RGS22: variants seen among roughly 807,000 people sequenced by gnomAD.
RGS22 encodes regulator of G protein signaling 22.
In RGS22, 148 loss-of-function variants were observed where a neutral mutation model predicts 172.9. That is an observed-to-expected ratio of 0.86 (90% CI 0.75 to 0.98). RGS22 has a LOEUF of 0.98. RGS22 is among the 50% of genes least tolerant of loss of function. The probability of loss-of-function intolerance (pLI) is 0.00; values close to 1 mark genes in which losing one functional copy is unlikely to be tolerated. For synonymous variants in RGS22, 458 were observed against 480.2 expected (o/e 0.95, Z 0.60); for missense variants, 1,347 against 1,440.8 (o/e 0.93, Z 1.05).
intron 14 of RGS22, among the ~76,000 whole-genome samples, chr8:100,029,674 G>C (rs1182632488): frequency 7.7e-6 from 1 of 129,926 alleles, no homozygotes; most frequent in African/African-American, 3.1e-5. Context: ...TTGGACTCCA[G>C]CCTGGGCAAC....
intron 2 of RGS22, among the ~76,000 whole-genome samples, chr8:100,094,879 G>T: frequency 6.6e-6 from 1 of 152,170 alleles, no homozygotes; most frequent in Non-Finnish European, 1.5e-5. Flanking sequence ...CAATAAGGGT[G>T]GCCAAATTTG....
At chr8:99,990,347 G>A (rs1242412601) in intron 20 of RGS22, among the ~76,000 whole-genome samples, 2 of 152,098 alleles carry the variant, frequency 1.3e-5, no homozygotes, top group Admixed American at 1.3e-4. Context: ...AGGGGACTCT[G>A]GCCTTGCAGA....
chr8:99,993,503 T>C (rs1363399459), intron 20 of RGS22, among the ~76,000 whole-genome samples: 2 of 152,112 alleles, frequency 1.3e-5, no homozygotes, highest in Non-Finnish European at 2.9e-5. Context: ...GCAGATGAAC[T>C]AGGAAATCTA....
chr8:100,052,967 T>C lies in RGS22; in HGVS notation c.1524A>G (p.Arg508=), dbSNP rs773385998. ...LKPLLLYWAP[R]FCVTHSASTK... is the part of the protein sequence containing the mutation. ...TTGAGGCTGAATGAGTAACACAGAATCTTGGTGCCCTGTTTATTGGAAAAA... is the reference window on the plus strand; with the variant it reads ...TTGAGGCTGAATGAGTAACACAGAACCTTGGTGCCCTGTTTATTGGAAAAA... The change falls in exon 10 of 28, where the codon AGA becomes AGG. Residue 508 remains arginine (R), a synonymous_variant. Coordinates refer to ENST00000360863, the MANE Select transcript of RGS22 (RefSeq NM_015668.5). 31 of 1,613,572 alleles carry C rather than the reference T, an allele frequency of 1.9e-5. No individual in the cohort carries two copies. Among genetic ancestry groups the C allele is most frequent in the South Asian group, 9.9e-5 (9 of 90,990 alleles).
chr8:100,002,442 T>C (rs1381215556), intron 17 of RGS22, 78 bp from the exon 18 acceptor site: 4 of 1,404,882 alleles, frequency 2.8e-6, no homozygotes, highest in Non-Finnish European at 3.8e-6. Context: ...ATTGTTGTTT[T>C]GACAGAACTT....
intron 20 of RGS22, among the ~76,000 whole-genome samples, chr8:99,993,778 A>G (rs1190229320): frequency 6.6e-6 from 1 of 152,218 alleles, no homozygotes; most frequent in Non-Finnish European, 1.5e-5. Flanking sequence ...GGCCAACGTC[A>G]TCCTGATACC....
At chr8:99,963,392 T>C (rs1810411489) in intron 24 of RGS22, among the ~76,000 whole-genome samples, 1 of 152,210 alleles carries the variant, frequency 6.6e-6, no homozygotes, top group African/African-American at 2.4e-5. Flanking sequence ...CAGTCATCTT[T>C]ATATATTCAA....
Position 100,040,021 on chromosome 8 carries a change from A to T in RGS22, c.2005T>A (p.Tyr669Asn). 6.2e-7 allele frequency: 1 copy of T among 1,609,494 alleles called. No individual in the cohort carries two copies. The highest frequency in any genetic ancestry group is 8.5e-7 in the Non-Finnish European group (1 of 1,178,002). The change falls in exon 13 of 28, where the codon TAT becomes AAT. Residue 669 changes from tyrosine (Y) to asparagine (N), a missense_variant. Coordinates refer to ENST00000360863, the MANE Select transcript of RGS22 (RefSeq NM_015668.5). ...AAGAATCCAGCTCTATTTTCTACATACAAAGATTGCAACAAATTTTCCATG... is the reference window on the plus strand; with the variant it reads ...AAGAATCCAGCTCTATTTTCTACATTCAAAGATTGCAACAAATTTTCCATG... ...SDMENLLQSL[Y>N]VENRAGFFFT...
intron 4 of RGS22, among the ~76,000 whole-genome samples, chr8:100,074,529 T>C (rs562048087): frequency 6.6e-6 from 1 of 152,360 alleles, no homozygotes; most frequent in African/African-American, 2.4e-5. Context: ...TATGTACTTT[T>C]GATTCTAGTA....
intron 23 of RGS22, among the ~76,000 whole-genome samples, chr8:99,975,771 C>T (rs1411960108): frequency 6.6e-6 from 1 of 151,934 alleles, no homozygotes; most frequent in Non-Finnish European, 1.5e-5. Context: ...TGGTCTCCAA[C>T]CCCTGGGCTC....
At chr8:100,065,508 T>C (rs199991964) in intron 7 of RGS22, among the ~76,000 whole-genome samples, 1 of 152,206 alleles carries the variant, frequency 6.6e-6, no homozygotes, top group East Asian at 1.9e-4. Flanking sequence ...TTAAAGAGAT[T>C]AGTTAAGAAC....
chr8:100,098,193 G>C (rs781477583), intron 2 of RGS22, among the ~76,000 whole-genome samples: 15 of 152,142 alleles, frequency 9.9e-5, no homozygotes, highest in Non-Finnish European at 1.9e-4. Context: ...TGAACTGGAG[G>C]AAAAGGGCTG....
chr8:100,004,082 A>G lies in RGS22; in HGVS notation c.2471T>C (p.Ile824Thr), dbSNP rs556859889. ...AGAGAGTGATAAAATGCCAGTTCCA[A>G]TTTCACAAGTGGTGTCCTAGTGAAA... Reference protein sequence around the residue: ...SKKAEDTTCEIGTGILSLSNV... With the variant: ...SKKAEDTTCETGTGILSLSNV... The change falls in exon 17 of 28, where the codon ATT becomes ACT. Residue 824 changes from isoleucine (I) to threonine (T), a missense_variant. Ile to Thr is a moderately conservative substitution (Grantham distance 89). Transcript: ENST00000360863. The G allele has an allele frequency of 8.1e-6, 13 of 1,600,034 alleles. No individual in the cohort carries two copies. In the East Asian group the frequency reaches 1.4e-4, roughly 17 times the overall value.
At chr8:99,985,522 A>G (rs941537938) in intron 21 of RGS22, among the ~76,000 whole-genome samples, 1 of 152,184 alleles carries the variant, frequency 6.6e-6, no homozygotes, top group Non-Finnish European at 1.5e-5. Flanking sequence ...ATCAGAATCA[A>G]CATTATTTCC....
chr8:100,017,783 T>C (rs1817167172), intron 14 of RGS22, among the ~76,000 whole-genome samples: 2 of 152,238 alleles, frequency 1.3e-5, no homozygotes, highest in African/African-American at 4.8e-5. Flanking sequence ...AGTCTGATTA[T>C]GGGTTAGAAA....
At chr8:100,089,277 C>T (rs963004290) in intron 3 of RGS22, among the ~76,000 whole-genome samples, 1 of 151,746 alleles carries the variant, frequency 6.6e-6, no homozygotes, top group Admixed American at 6.6e-5. Flanking sequence ...ACTTGAATAC[C>T]TCCAAGTTTA....
chr8:99,967,800 C>T (rs1370857866), intron 23 of RGS22, among the ~76,000 whole-genome samples: 3 of 152,086 alleles, frequency 2.0e-5, no homozygotes, highest in East Asian at 1.9e-4. Flanking sequence ...TGGCTGTGGG[C>T]GCAGCTTCAG....
At chr8:99,985,388 A>T (rs1812977451) in intron 21 of RGS22, among the ~76,000 whole-genome samples, 1 of 152,226 alleles carries the variant, frequency 6.6e-6, no homozygotes, top group African/African-American at 2.4e-5. Context: ...ATGCCTTCCA[A>T]CTGGCAAACT....
chr8:99,984,490 T>C (rs984204901), intron 21 of RGS22, among the ~76,000 whole-genome samples: 5 of 152,158 alleles, frequency 3.3e-5, no homozygotes, highest in African/African-American at 1.2e-4. Flanking sequence ...AGTTAACTCT[T>C]GCCTATTATT....
Sources: gnomAD v4.1 joint callset for allele counts (sites outside exome capture counted in the v4.1 genomes callset) on GRCh38, gnomAD v4.1.1 for gene constraint, MANE v1.5 for transcripts, NCBI Gene and HGNC (gene_info 2026-07-23, HGNC 2026-07-21) for gene names.